The following ERC1 variants were observed in gnomAD, a reference collection of about 807,000 sequenced individuals.
ERC1 encodes RAB6 interacting protein 2.
Under a neutral mutation model 132.0 loss-of-function variants are expected in ERC1, and 56 were observed. That is an observed-to-expected ratio of 0.42 (90% CI 0.34 to 0.53). ERC1 has a LOEUF of 0.53. ERC1 is among the 20% of genes least tolerant of loss of function. The pLI is 0.03. For missense variants in ERC1, 1,202 were observed against 1,349.9 expected (o/e 0.89, Z 1.72); for synonymous variants, 478 against 476.1 (o/e 1.00, Z -0.05).
intron 13 of ERC1, among the ~76,000 whole-genome samples, chr12:1,260,715 A>G (rs908673015): frequency 6.6e-6 from 1 of 152,248 alleles, no homozygotes; most frequent in Non-Finnish European, 1.5e-5. Context: ...TGAAGGTGAG[A>G]GAGATATTTG....
intron 2 of ERC1, among the ~76,000 whole-genome samples, chr12:1,039,358 AT>A (rs1191362327): frequency 1.3e-5 from 2 of 149,568 alleles, no homozygotes; most frequent in African/African-American, 4.9e-5. Flanking sequence ...AAAAATAAAA[AT>A]AAATAAATAA....
intron 2 of ERC1, among the ~76,000 whole-genome samples, chr12:1,080,598 G>A (rs1942046888): frequency 1.3e-5 from 2 of 152,124 alleles, no homozygotes; most frequent in South Asian, 4.1e-4. Flanking sequence ...AATCATGGGG[G>A]CCAGTCTTTC....
At chr12:1,155,807 T>C (rs891307760) in intron 8 of ERC1, among the ~76,000 whole-genome samples, 1 of 151,716 alleles carries the variant, frequency 6.6e-6, no homozygotes, top group Admixed American at 6.6e-5. Context: ...GAAATGACAA[T>C]GTAGGATTTA....
At chr12:1,272,929 T>C (rs1215024371) in intron 14 of ERC1, among the ~76,000 whole-genome samples, 3 of 126,968 alleles carry the variant, frequency 2.4e-5, no homozygotes, top group African/African-American at 3.2e-5. Flanking sequence ...GCCTCAGTGA[T>C]AGAGTGAGAC....
Position 1,174,023 on chromosome 12 carries a change from T to G in ERC1, c.1738-6517T>G, listed in dbSNP as rs1295872617. ...TGCTGCATTCAGTGGGGCTCAGCTG[T>G]TACCCATCATGATGCTGGATTCAGT... On this transcript the variant is annotated intron_variant, in intron 8 of 18. Coordinates refer to ENST00000360905, the MANE Select transcript of ERC1 (RefSeq NM_178040.4). Among the ~76,000 whole-genome samples, 7 of 152,038 alleles carry G rather than the reference T, an allele frequency of 4.6e-5. No individual in the cohort carries two copies. The South Asian group carries it at 8.3e-4, about 18-fold the overall frequency.
At chr12:1,487,223 T>C (rs565255306) in intron 18 of ERC1, among the ~76,000 whole-genome samples, 1 of 152,330 alleles carries the variant, frequency 6.6e-6, no homozygotes, top group East Asian at 1.9e-4. Flanking sequence ...TGTCCTGGTC[T>C]TTTAGTCAGC....
At chr12:1,360,903 C>T (rs1261721457) in intron 15 of ERC1, among the ~76,000 whole-genome samples, 1 of 151,704 alleles carries the variant, frequency 6.6e-6, no homozygotes, top group Non-Finnish European at 1.5e-5. Context: ...ATGGTGAAAC[C>T]CCCTCTCTAA....
At chr12:1,243,024 A>G (rs1245881125) in intron 13 of ERC1, among the ~76,000 whole-genome samples, 1 of 151,318 alleles carries the variant, frequency 6.6e-6, no homozygotes, top group African/African-American at 2.4e-5. Flanking sequence ...CGTCTCTACT[A>G]AAAATACAAA....
intron 15 of ERC1, among the ~76,000 whole-genome samples, chr12:1,302,514 A>C (rs1374744672): frequency 6.6e-6 from 1 of 152,230 alleles, no homozygotes. Context: ...CATAAAATTC[A>C]AAAGAAAATT....
At chr12:1,196,834 CTG>C (rs199928314) in intron 12 of ERC1, among the ~76,000 whole-genome samples, 26 of 101,384 alleles carry the variant, frequency 2.6e-4, no homozygotes, top group African/African-American at 6.4e-4. Flanking sequence ...CTCTCTCTGT[CTG>C]TCTCTCTGTC....
At chr12:1,402,797 C>T (rs1456365271) in intron 16 of ERC1, among the ~76,000 whole-genome samples, 2 of 151,996 alleles carry the variant, frequency 1.3e-5, no homozygotes, top group African/African-American at 4.8e-5. Context: ...GAAGAAAAGA[C>T]CAGATATTAT....
At chr12:998,757 A>T (rs903960361) in intron 1 of ERC1, among the ~76,000 whole-genome samples, 2 of 151,448 alleles carry the variant, frequency 1.3e-5, no homozygotes, top group African/African-American at 4.9e-5. Flanking sequence ...GACAGAGCGG[A>T]TACCCCTCCT....
chr12:1,208,056 A>G, intron 12 of ERC1, among the ~76,000 whole-genome samples: 1 of 152,152 alleles, frequency 6.6e-6, no homozygotes, highest in East Asian at 1.9e-4. Context: ...CACCTTCTTT[A>G]TCTCACTTCA....
intron 15 of ERC1, among the ~76,000 whole-genome samples, chr12:1,341,447 T>C (rs925882067): frequency 5.3e-5 from 8 of 151,958 alleles, no homozygotes; most frequent in East Asian, 3.8e-4. Context: ...ATTAAGAAAA[T>C]GTGGCACATA....
At chr12:992,056 A>C (rs1959565769) in intron 1 of ERC1, among the ~76,000 whole-genome samples, 1 of 152,026 alleles carries the variant, frequency 6.6e-6, no homozygotes, top group Non-Finnish European at 1.5e-5. Flanking sequence ...ATGTATCTGA[A>C]AGTTTTACAC....
intron 15 of ERC1, among the ~76,000 whole-genome samples, chr12:1,336,397 C>T (rs1372410245): frequency 1.3e-5 from 2 of 152,004 alleles, no homozygotes; most frequent in Admixed American, 6.6e-5. Flanking sequence ...ATGATATGAA[C>T]GTCCCTGTTA....
chr12:1,290,032 T>C lies in ERC1; in HGVS notation c.2780+20T>C, dbSNP rs780790805. On this transcript the variant is annotated intron_variant, in intron 15 of 18. Transcript: ENST00000360905. Reference sequence around the variant, plus strand: ...GATGAAGTAAGTGTTTGTAGTCTTATTCTTCAAGCATATGCTTAGTGGAAA... The same window carrying C: ...GATGAAGTAAGTGTTTGTAGTCTTACTCTTCAAGCATATGCTTAGTGGAAA... 1.2e-6 allele frequency: 2 copies of C among 1,608,180 alleles called. No individual in the cohort carries two copies. Among genetic ancestry groups the C allele is most frequent in the Non-Finnish European group, 8.5e-7 (1 of 1,174,822 alleles).
intron 14 of ERC1, among the ~76,000 whole-genome samples, chr12:1,275,850 A>G (rs1045573527): frequency 6.6e-6 from 1 of 152,218 alleles, no homozygotes; most frequent in Non-Finnish European, 1.5e-5. Flanking sequence ...TCAGGCTTCC[A>G]CTTGTGTCAG....
chr12:1,099,561 C>CT (rs1016188544), intron 3 of ERC1, among the ~76,000 whole-genome samples: 1 of 152,124 alleles, frequency 6.6e-6, no homozygotes, highest in Non-Finnish European at 1.5e-5. Context: ...CTTTATAACA[C>CT]TTTTTACATA....
Sources: allele counts gnomAD v4.1 joint callset (sites outside exome capture counted in the v4.1 genomes callset), GRCh38; gene constraint gnomAD v4.1.1; transcripts MANE v1.5; gene names NCBI Gene and HGNC (gene_info 2026-07-23, HGNC 2026-07-21).